The following GRAMD1B variants were observed in gnomAD, a reference collection of about 807,000 sequenced individuals.
GRAMD1B encodes the protein GRAM domain containing 1B.
Under a neutral mutation model 99.7 loss-of-function variants are expected in GRAMD1B, and 37 were observed. The observed-to-expected ratio is 0.37, with a 90% CI of 0.29 to 0.49. GRAMD1B has a LOEUF of 0.49. GRAMD1B is among the 20% of genes least tolerant of loss of function. The probability of loss-of-function intolerance (pLI) is 0.98; values close to 1 mark genes in which losing one functional copy is unlikely to be tolerated. For synonymous variants in GRAMD1B, 427 were observed against 387.6 expected (o/e 1.10, Z -1.19); for missense variants, 888 against 1,009.2 (o/e 0.88, Z 1.63).
rs552906441 is a variant in GRAMD1B, at chr11:123,627,572, G to A, written c.*4977G>A. ...GGGCCATCTATGGGAAAGAACACGGGTCGAGTGCAGTCGAGTTGTCTGGCC... is the reference window on the plus strand; with the variant it reads ...GGGCCATCTATGGGAAAGAACACGGATCGAGTGCAGTCGAGTTGTCTGGCC... On this transcript the variant is annotated 3_prime_UTR_variant, in exon 20 of 20. Coordinates refer to ENST00000635736, the MANE Select transcript of GRAMD1B (RefSeq NM_001387025.1). 1 of 152,282 alleles carries A rather than the reference G, an allele frequency of 6.6e-6. No individual in the cohort carries two copies. The highest frequency in any genetic ancestry group is 1.5e-5 in the Non-Finnish European group (1 of 68,080). The allele number at this position is 152,282 out of a possible 1,614,324, so 9.4% of individuals were successfully genotyped here.
chr11:123,386,584 C>A (rs1232105264), intron 1 of GRAMD1B, among the ~76,000 whole-genome samples: 2 of 151,966 alleles, frequency 1.3e-5, no homozygotes, highest in African/African-American at 4.8e-5. Context: ...ATTACAGGCA[C>A]CAGCCACCAC....
intron 2 of GRAMD1B, among the ~76,000 whole-genome samples, chr11:123,568,555 G>A (rs559885972): frequency 3.3e-5 from 5 of 152,344 alleles, no homozygotes; most frequent in Admixed American, 6.5e-5. Context: ...CCCTTGCAGC[G>A]GGTAGGGAAG....
chr11:123,433,840 T>TC (rs1949028733), intron 1 of GRAMD1B, among the ~76,000 whole-genome samples: 1 of 151,598 alleles, frequency 6.6e-6, no homozygotes, highest in African/African-American at 2.4e-5. Context: ...AACCTTCATT[T>TC]TGTTGGATTT....
At chr11:123,590,474 C>G (rs886785446) in intron 4 of GRAMD1B, among the ~76,000 whole-genome samples, 2 of 152,210 alleles carry the variant, frequency 1.3e-5, no homozygotes, top group Non-Finnish European at 2.9e-5. Context: ...CAGGAAACAT[C>G]TGCTGGGGAG....
chr11:123,550,788 G>A (rs1945531562), intron 2 of GRAMD1B, among the ~76,000 whole-genome samples: 1 of 152,176 alleles, frequency 6.6e-6, no homozygotes, highest in African/African-American at 2.4e-5. Context: ...TCCTAGAGTG[G>A]GTAGAGGAGT....
chr11:123,547,491 A>G (rs1243891368), intron 2 of GRAMD1B, among the ~76,000 whole-genome samples: 6 of 152,218 alleles, frequency 3.9e-5, no homozygotes, highest in Non-Finnish European at 7.3e-5. Flanking sequence ...GCCTCTTGCA[A>G]TGTTTGTGAG....
chr11:123,456,372 C>T (rs1174970183), intron 1 of GRAMD1B, among the ~76,000 whole-genome samples: 1 of 140,526 alleles, frequency 7.1e-6, no homozygotes, highest in East Asian at 2.3e-4. Context: ...TGGAAAGAGC[C>T]CCGAGAGTCA....
intron 1 of GRAMD1B, among the ~76,000 whole-genome samples, chr11:123,463,826 G>A (rs1174067422): frequency 6.6e-6 from 1 of 152,242 alleles, no homozygotes; most frequent in Non-Finnish European, 1.5e-5. Context: ...ATGTGCATGG[G>A]AGATTTGGGG....
At chr11:123,435,981 C>T (rs973662808) in intron 1 of GRAMD1B, among the ~76,000 whole-genome samples, 11 of 131,398 alleles carry the variant, frequency 8.4e-5, no homozygotes, top group Admixed American at 6.4e-4. Context: ...CTCCCTCTCT[C>T]ACCCAGGCTG....
intron 2 of GRAMD1B, among the ~76,000 whole-genome samples, chr11:123,551,105 C>A: frequency 6.6e-6 from 1 of 152,214 alleles, no homozygotes. Flanking sequence ...CTCTCACGCA[C>A]CTGCTTTAGC....
intron 3 of GRAMD1B, among the ~76,000 whole-genome samples, chr11:123,580,561 G>A (rs73615862): frequency 0.054 from 8,232 of 152,242 alleles, 338 homozygotes; most frequent in African/African-American, 0.12. Flanking sequence ...CTGGGCCTCA[G>A]TTTCCTCATT....
intron 1 of GRAMD1B, among the ~76,000 whole-genome samples, chr11:123,360,507 G>T (rs185927789): frequency 6.6e-6 from 1 of 152,320 alleles, no homozygotes; most frequent in Non-Finnish European, 1.5e-5. Context: ...GGTCTCAAAA[G>T]GGCGTGTGGT....
At chr11:123,491,538 AG>A (rs1370382309) in intron 2 of GRAMD1B, 1 of 206,202 alleles carries the variant, frequency 4.8e-6, no homozygotes, top group Non-Finnish European at 9.6e-6. Flanking sequence ...AGGACAAAGG[AG>A]GAGAGGAAAC....
intron 2 of GRAMD1B, among the ~76,000 whole-genome samples, chr11:123,563,997 G>A (rs77092126): frequency 5.3e-5 from 8 of 152,276 alleles, no homozygotes; most frequent in Admixed American, 3.9e-4. Context: ...GTTATAGCAG[G>A]AAAATAAATC....
rs1430224444 is a variant in GRAMD1B at position 123,625,060 on chromosome 11, A to G, written c.*2465A>G. On this transcript the variant is annotated 3_prime_UTR_variant, in exon 20 of 20. Transcript: ENST00000635736. ...TCTGTGTTCCAATAATTTTTTGACT[A>G]TCATACCAGGAAAAAACCAACAACT... 1 of 152,202 alleles carries G rather than the reference A, an allele frequency of 6.6e-6. No individual in the cohort carries two copies. Among genetic ancestry groups the G allele is most frequent in the African/African-American group, 2.4e-5 (1 of 41,454 alleles). The allele number at this position is 152,202 out of a possible 1,614,324, so 9.4% of individuals were successfully genotyped here. A position where few individuals can be genotyped will look rare whatever the true frequency, so the allele number is the denominator to read the frequency against.
intron 2 of GRAMD1B, among the ~76,000 whole-genome samples, chr11:123,499,099 A>G (rs1591720005): frequency 6.6e-6 from 1 of 152,136 alleles, no homozygotes; most frequent in East Asian, 1.9e-4. Flanking sequence ...CCCAAAATTT[A>G]TGTGTTGGAA....
At chr11:123,588,080 C>T (rs1047785309) in intron 4 of GRAMD1B, among the ~76,000 whole-genome samples, 2 of 146,532 alleles carry the variant, frequency 1.4e-5, no homozygotes, top group Non-Finnish European at 3.0e-5. Flanking sequence ...TGCTCAGTTA[C>T]GTCCTCGTCT....
intron 1 of GRAMD1B, among the ~76,000 whole-genome samples, chr11:123,400,193 C>A (rs1341708188): frequency 6.6e-6 from 1 of 152,046 alleles, no homozygotes. Context: ...AAATAGAAAT[C>A]AGGCCAGGCA....
intron 2 of GRAMD1B, among the ~76,000 whole-genome samples, chr11:123,484,189 G>A (rs867847590): frequency 4.6e-5 from 7 of 152,254 alleles, no homozygotes; most frequent in East Asian, 3.9e-4. Context: ...GTTTCTGAGC[G>A]TGATGTCTTT....
Sources: gnomAD v4.1 joint callset for allele counts (sites outside exome capture counted in the v4.1 genomes callset) on GRCh38, gnomAD v4.1.1 for gene constraint, MANE v1.5 for transcripts, NCBI Gene and HGNC (gene_info 2026-07-23, HGNC 2026-07-21) for gene names.